Variants in ANGPT1 observed in about 807,000 individuals in gnomAD.
The protein encoded by ANGPT1 is angiopoietin 1.
ANGPT1 carries 17 observed loss-of-function variants against 62.2 expected under a neutral mutation model. The ratio of observed to expected loss-of-function variants is 0.27; its 90% confidence interval spans 0.19 to 0.41. ANGPT1 has a LOEUF of 0.41. Ranked by LOEUF, ANGPT1 falls within the 10% of genes least tolerant of loss-of-function variation. The probability of loss-of-function intolerance (pLI) is 1.00; values close to 1 mark genes in which losing one functional copy is unlikely to be tolerated. For synonymous variants in ANGPT1, 199 were observed against 198.9 expected (o/e 1.00, Z 0.00); for missense variants, 478 against 594.9 (o/e 0.80, Z 2.04).
intron 4 of ANGPT1, among the ~76,000 whole-genome samples, chr8:107,307,842 A>G (rs1814756557): frequency 6.6e-6 from 1 of 152,126 alleles, no homozygotes; most frequent in Non-Finnish European, 1.5e-5. Flanking sequence ...AGATTCATAT[A>G]TCTACTTGCC....
At chr8:107,402,590 T>C (rs1211011200) in intron 1 of ANGPT1, among the ~76,000 whole-genome samples, 1 of 152,118 alleles carries the variant, frequency 6.6e-6, no homozygotes, top group Admixed American at 6.5e-5. Flanking sequence ...AGAAACACAA[T>C]GAAGTGGATA....
At chr8:107,360,189 T>C (rs1816132156) in intron 1 of ANGPT1, among the ~76,000 whole-genome samples, 1 of 152,190 alleles carries the variant, frequency 6.6e-6, no homozygotes, top group African/African-American at 2.4e-5. Flanking sequence ...CAAGTAGGTC[T>C]TTACCAAGGG....
chr8:107,285,871 G>A (rs902942740), intron 6 of ANGPT1, among the ~76,000 whole-genome samples: 2 of 152,034 alleles, frequency 1.3e-5, no homozygotes, highest in Non-Finnish European at 2.9e-5. Context: ...GATAGAAACT[G>A]TGTTGTATTT....
At chr8:107,424,634 A>C (rs1810988389) in intron 1 of ANGPT1, among the ~76,000 whole-genome samples, 1 of 152,212 alleles carries the variant, frequency 6.6e-6, no homozygotes, top group Non-Finnish European at 1.5e-5. Context: ...ATTCAATGCA[A>C]ACCACAACTG....
rs1201183833 is a variant in ANGPT1 at position 107,268,682 on chromosome 8, T to C, written c.1206-4331A>G. On this transcript the variant is annotated intron_variant, in intron 7 of 8. Transcript: ENST00000517746. ...ATTCAAAATAAAAATATGCTTAAGG[T>C]TAGTGTTTCAGCTAAAATTATTTTT... Among the ~76,000 whole-genome samples the C allele has an allele frequency of 7.9e-5, 12 of 152,072 alleles. 1 individual carries two copies. In the South Asian group the frequency reaches 2.5e-3, roughly 31 times the overall value.
At chr8:107,376,525 CTTGT>C (rs941937654) in intron 1 of ANGPT1, among the ~76,000 whole-genome samples, 9 of 152,078 alleles carry the variant, frequency 5.9e-5, no homozygotes, top group African/African-American at 2.2e-4. Flanking sequence ...AAAATGCACA[CTTGT>C]TTGTTTGTTT....
chr8:107,282,516 T>C (rs959548962), intron 7 of ANGPT1, among the ~76,000 whole-genome samples: 1 of 137,720 alleles, frequency 7.3e-6, no homozygotes, highest in Non-Finnish European at 1.5e-5. Flanking sequence ...ATATTATATA[T>C]CATATATTAT....
At chr8:107,283,486 G>C (rs1479927696) in intron 7 of ANGPT1, among the ~76,000 whole-genome samples, 5 of 151,700 alleles carry the variant, frequency 3.3e-5, no homozygotes, top group Admixed American at 6.6e-5. Context: ...AAAATGAAAT[G>C]AGTTGTGCCT....
chr8:107,495,321 G>A (rs1366727645), intron 1 of ANGPT1, among the ~76,000 whole-genome samples: 1 of 152,140 alleles, frequency 6.6e-6, no homozygotes, highest in Non-Finnish European at 1.5e-5. Flanking sequence ...TGTAACCAAA[G>A]AACATTTTAA....
chr8:107,421,177 G>A (rs1470406123), intron 1 of ANGPT1, among the ~76,000 whole-genome samples: 2 of 151,924 alleles, frequency 1.3e-5, no homozygotes, highest in African/African-American at 2.4e-5. Flanking sequence ...TATTTTGCAC[G>A]GAAAACTTTA....
At chr8:107,298,713 GACT>G (rs1359248700) in intron 5 of ANGPT1, among the ~76,000 whole-genome samples, 2 of 151,592 alleles carry the variant, frequency 1.3e-5, no homozygotes, top group African/African-American at 2.4e-5. Context: ...CTCACACACT[GACT>G]ACAAGATGAA....
At chr8:107,317,817 G>A (rs1815055075) in intron 4 of ANGPT1, among the ~76,000 whole-genome samples, 1 of 151,984 alleles carries the variant, frequency 6.6e-6, no homozygotes, top group East Asian at 1.9e-4. Flanking sequence ...TTTTAGTAGA[G>A]ATGGGGTTTC....
intron 3 of ANGPT1, among the ~76,000 whole-genome samples, chr8:107,323,355 A>G (rs1246068807): frequency 2.0e-5 from 3 of 152,224 alleles, no homozygotes; most frequent in African/African-American, 7.2e-5. Flanking sequence ...AAAATGCCAC[A>G]TACCAGAATG....
intron 7 of ANGPT1, among the ~76,000 whole-genome samples, chr8:107,270,439 C>T (rs905344130): frequency 3.9e-5 from 6 of 151,990 alleles, no homozygotes; most frequent in African/African-American, 1.4e-4. Context: ...TCAAAATGAC[C>T]TTCATGGTTC....
At chr8:107,289,886 T>A (rs915516913) in intron 6 of ANGPT1, among the ~76,000 whole-genome samples, 1 of 152,146 alleles carries the variant, frequency 6.6e-6, no homozygotes, top group African/African-American at 2.4e-5. Flanking sequence ...GCGTTTTATA[T>A]GTGAAAGTAC....
intron 5 of ANGPT1, among the ~76,000 whole-genome samples, chr8:107,296,322 A>C (rs750494803): frequency 6.6e-6 from 1 of 152,050 alleles, no homozygotes; most frequent in Non-Finnish European, 1.5e-5. Context: ...CTTAGCCTGT[A>C]GCGGGTACTG....
chr8:107,309,388 T>C (rs2130003325), intron 4 of ANGPT1, among the ~76,000 whole-genome samples: 1 of 152,256 alleles, frequency 6.6e-6, no homozygotes, highest in African/African-American at 2.4e-5. Flanking sequence ...AAACAGCACA[T>C]CTGACAAGGT....
intron 1 of ANGPT1, among the ~76,000 whole-genome samples, chr8:107,359,084 T>C (rs1000877220): frequency 6.6e-6 from 1 of 152,190 alleles, no homozygotes; most frequent in Non-Finnish European, 1.5e-5. Context: ...TATTTTTAAA[T>C]CAATATTATG....
intron 3 of ANGPT1, among the ~76,000 whole-genome samples, chr8:107,333,996 G>GGGAAGGAGGGAAGGAAGGAA (rs1815494572): frequency 2.8e-5 from 2 of 70,520 alleles, no homozygotes; most frequent in South Asian, 6.7e-4. Flanking sequence ...GAGGGAGGGA[G>GGGAAGGAGGGAAGGAAGGAA]GGAAGGAAGG....
Sources: allele counts gnomAD v4.1 joint callset (sites outside exome capture counted in the v4.1 genomes callset), GRCh38; gene constraint gnomAD v4.1.1; transcripts MANE v1.5; gene names NCBI Gene and HGNC (gene_info 2026-07-23, HGNC 2026-07-21).